OSBPL11: variants seen among roughly 807,000 people sequenced by gnomAD.
The protein encoded by OSBPL11 is oxysterol-binding protein-related protein 11.
A neutral mutation model predicts 84.4 loss-of-function variants in OSBPL11; 33 were observed. The observed-to-expected ratio is 0.39, with a 90% CI of 0.30 to 0.52. The LOEUF is 0.52. Among genes scored for constraint, OSBPL11 ranks in the 20% least tolerant of loss-of-function variants. The pLI, the probability that OSBPL11 is intolerant of heterozygous loss-of-function variation, is 0.72. For synonymous variants in OSBPL11, 276 were observed against 310.2 expected, an observed-to-expected ratio of 0.89 and a Z score of 1.16; for missense variants, 736 against 901.1, an observed-to-expected ratio of 0.82 and a Z score of 2.35.
At chr3:125,532,740 A>G (rs1935579326) in intron 11 of OSBPL11, among the ~76,000 whole-genome samples, 1 of 151,978 alleles carries the variant, frequency 6.6e-6, no homozygotes, top group African/African-American at 2.4e-5. Context: ...CTGGGTATTT[A>G]CCCAAGAAAA....
chr3:125,543,041 T>C (rs1935756155), intron 10 of OSBPL11, among the ~76,000 whole-genome samples: 1 of 152,018 alleles, frequency 6.6e-6, no homozygotes, highest in African/African-American at 2.4e-5. Flanking sequence ...TTGAATCAGA[T>C]AGACCAGTTC....
At chr3:125,535,334 T>G (rs1278123527) in intron 11 of OSBPL11, among the ~76,000 whole-genome samples, 1 of 151,912 alleles carries the variant, frequency 6.6e-6, no homozygotes, top group Non-Finnish European at 1.5e-5. Context: ...ACGTAATTTG[T>G]AATTCAAAAC....
intron 11 of OSBPL11, among the ~76,000 whole-genome samples, chr3:125,533,982 A>T (rs1396504278): frequency 6.6e-6 from 1 of 152,226 alleles, no homozygotes; most frequent in Non-Finnish European, 1.5e-5. Context: ...ACATGCCATC[A>T]CATCCAACTA....
chr3:125,547,703 A>C (rs1280955454), intron 9 of OSBPL11, 111 bp from the exon 10 acceptor site: 15 of 800,454 alleles, frequency 1.9e-5, no homozygotes, highest in Non-Finnish European at 2.7e-5. Context: ...ATTTTTCCTA[A>C]CCTTCATTTA....
At chr3:125,540,312 G>A (rs1427660733) in intron 10 of OSBPL11, among the ~76,000 whole-genome samples, 1 of 127,548 alleles carries the variant, frequency 7.8e-6, no homozygotes, top group Non-Finnish European at 1.6e-5. Flanking sequence ...CTGGGCGACA[G>A]AGGATGGCTC....
At position 125,560,077 on chromosome 3, in the gene OSBPL11, T is replaced by C. The variant is rs1049277883; in HGVS notation, c.1155+302A>G. Among the ~76,000 whole-genome samples the C allele has an allele frequency of 5.3e-5, 8 of 151,866 alleles. No homozygotes were observed. The South Asian group carries it at 6.2e-4, about 12-fold the overall frequency. The stretch of plus-strand genomic sequence containing the variant: ...GAGCTCGAGACCCGCCTGGCCAACA[T>C]GGTGAAACCCCATCTCTACCAAAAA... On this transcript the variant is annotated intron_variant, in intron 8 of 12. Transcript: ENST00000296220.
At chr3:125,589,204 C>G (rs1936560928) in intron 1 of OSBPL11, among the ~76,000 whole-genome samples, 2 of 151,986 alleles carry the variant, frequency 1.3e-5, no homozygotes, top group Admixed American at 1.3e-4. Flanking sequence ...TAAGAATTAG[C>G]CGGGTGGCAC....
At chr3:125,560,347 A>G in intron 8 of OSBPL11, 32 bp downstream of exon 8, 1 of 1,478,884 alleles carries the variant, frequency 6.8e-7, no homozygotes, top group South Asian at 1.5e-5. Context: ...AGCCCTTAAC[A>G]ATCTCCATAG....
intron 2 of OSBPL11, among the ~76,000 whole-genome samples, chr3:125,581,174 C>T (rs954953503): frequency 2.2e-4 from 34 of 151,694 alleles, no homozygotes; most frequent in Admixed American, 2.1e-3. Context: ...CTCACTGCAA[C>T]CTCTGCCTCC....
rs753556567 is a variant in OSBPL11, at chr3:125,575,672, G to A, written c.666+517C>T. On this transcript the variant is annotated intron_variant, in intron 5 of 12. Coordinates refer to ENST00000296220, the MANE Select transcript of OSBPL11 (RefSeq NM_022776.5). ...AGCCACTGGAGTAGCTGGTACGACA[G>A]GTGCACACCACCACCCCCAGCTAAA... Among the ~76,000 whole-genome samples, 20 of 149,638 alleles carry A rather than the reference G, an allele frequency of 1.3e-4. No individual in the cohort carries two copies. The Middle Eastern group carries it at 0.01, about 78-fold the overall frequency.
intron 7 of OSBPL11, among the ~76,000 whole-genome samples, chr3:125,563,283 T>C (rs1484719784): frequency 6.6e-6 from 1 of 152,148 alleles, no homozygotes; most frequent in Non-Finnish European, 1.5e-5. Context: ...TTGAAACAAC[T>C]GGCTTGGTAA....
chr3:125,552,141 G>A (rs200206436), intron 9 of OSBPL11, 40 bp downstream of exon 9: 262 of 871,498 alleles, frequency 3.0e-4, no homozygotes, highest in African/African-American at 1.6e-3. Context: ...ATGTGTGTGT[G>A]TATATATATA....
chr3:125,573,425 C>T (rs1936271558), intron 5 of OSBPL11, among the ~76,000 whole-genome samples: 1 of 152,080 alleles, frequency 6.6e-6, no homozygotes, highest in African/African-American at 2.4e-5. Context: ...GGCATAGTAC[C>T]AGCATGAAGC....
chr3:125,555,233 C>A (rs945857130), intron 8 of OSBPL11, among the ~76,000 whole-genome samples: 1 of 152,142 alleles, frequency 6.6e-6, no homozygotes, highest in African/African-American at 2.4e-5. Flanking sequence ...ACTCTTGGAC[C>A]TTCAACCACA....
intron 7 of OSBPL11, 73 bp from the exon 8 acceptor site, chr3:125,560,592 T>C: frequency 7.7e-7 from 1 of 1,292,744 alleles, no homozygotes. Flanking sequence ...AAACAATAAA[T>C]ATCAGACTTG....
chr3:125,541,469 A>G (rs1935727966), intron 10 of OSBPL11, among the ~76,000 whole-genome samples: 1 of 152,254 alleles, frequency 6.6e-6, no homozygotes. Flanking sequence ...AACATTTAAA[A>G]TATGCTGGGC....
intron 11 of OSBPL11, among the ~76,000 whole-genome samples, chr3:125,533,016 T>A (rs1935584343): frequency 6.6e-6 from 1 of 151,962 alleles, no homozygotes; most frequent in African/African-American, 2.4e-5. Context: ...TTAGTGGTTC[T>A]CTGGGCTGGG....
rs895554455 is a variant in OSBPL11, at chr3:125,530,474, C to G, written c.*41G>C. 2.6e-6 allele frequency: 4 copies of G among 1,566,030 alleles called. No homozygotes were observed. Among genetic ancestry groups the G allele is most frequent in the Non-Finnish European group, 3.5e-6 (4 of 1,136,598 alleles). On this transcript the variant is annotated 3_prime_UTR_variant, in exon 13 of 13. Coordinates refer to ENST00000296220, the MANE Select transcript of OSBPL11 (RefSeq NM_022776.5). ...CCATTCTGGGAGGATTTAGGGTAAA[C>G]AGAGAAGAACCTCATTTGGTCGAGT... is the stretch of plus-strand genomic sequence containing the variant.
Position 125,552,650 on chromosome 3 carries a change from C to G in OSBPL11, c.1185G>C (p.Lys395Asn). 6.2e-7 allele frequency: 1 copy of G among 1,613,466 alleles called. No homozygotes were observed. The highest frequency in any genetic ancestry group is 1.3e-5 in the African/African-American group (1 of 74,998). The change falls in exon 9 of 13, where the codon AAG becomes AAC. Residue 395 changes from lysine to asparagine, a missense_variant. By Grantham distance (94) the Lys-to-Asn change is moderately conservative. This residue lies in a region of OSBPL11 where 579 missense variants were observed against 717.6 expected (regional missense o/e 0.81). Transcript: ENST00000296220. Reference sequence around the variant, plus strand: ...CTGCATACATTTCCAGCAAGGAACGCTTCTCTAGGATAAATGTAGGAAGCA... The same window carrying G: ...CTGCATACATTTCCAGCAAGGAACGGTTCTCTAGGATAAATGTAGGAAGCA... ...RVVLPTFILE[K>N]RSLLEMYADF...
Sources: allele counts gnomAD v4.1 joint callset (sites outside exome capture counted in the v4.1 genomes callset), GRCh38; gene constraint gnomAD v4.1.1; regional missense constraint gnomAD v4.1.1; transcripts MANE v1.5; gene names NCBI Gene and HGNC (gene_info 2026-07-23, HGNC 2026-07-21).